The following RPTOR variants were observed in gnomAD, a reference collection of about 807,000 sequenced individuals.
RPTOR encodes regulatory-associated protein of mTOR.
Under a neutral mutation model 169.9 loss-of-function variants are expected in RPTOR, and 21 were observed. The ratio of observed to expected loss-of-function variants is 0.12; its 90% CI spans 0.09 to 0.18. The LOEUF is 0.18. Among genes scored for constraint, RPTOR ranks in the 10% least tolerant of loss-of-function variants. The pLI is 1.00. For missense variants in RPTOR, 1,133 were observed against 1,855.9 expected, an observed-to-expected ratio of 0.61 and a Z score of 7.16; for synonymous variants, 732 against 753.2, an observed-to-expected ratio of 0.97 and a Z score of 0.46.
intron 20 of RPTOR, among the ~76,000 whole-genome samples, chr17:80,906,573 C>T (rs568354411): frequency 1.3e-5 from 2 of 152,342 alleles, no homozygotes; most frequent in East Asian, 3.9e-4. Flanking sequence ...GCCGGCCAGG[C>T]ACACATGTGT....
At chr17:80,799,409 A>G (rs1598311909) in intron 7 of RPTOR, among the ~76,000 whole-genome samples, 2 of 152,306 alleles carry the variant, frequency 1.3e-5, no homozygotes, top group South Asian at 2.1e-4. Flanking sequence ...CTGCGCATAC[A>G]CTAGCTGGGG....
At position 80,909,370 on chromosome 17, in the gene RPTOR, T is replaced by G. The variant is rs1054982988; in HGVS notation, c.2520+441T>G. Among the ~76,000 whole-genome samples the G allele has an allele frequency of 4.0e-5, 6 of 150,862 alleles. No individual in the cohort carries two copies. In the East Asian group the frequency reaches 1.2e-3, roughly 30 times the overall value. On this transcript the variant is annotated intron_variant, in intron 21 of 33. Coordinates refer to ENST00000306801, the MANE Select transcript of RPTOR (RefSeq NM_020761.3). ...TGCTGGGATTACAAGCGTGAGCCAC[T>G]GCACCTGTTTTTTGTTTTTGTAAGA...
intron 3 of RPTOR, among the ~76,000 whole-genome samples, chr17:80,690,632 C>G (rs1293003016): frequency 1.3e-5 from 2 of 151,722 alleles, no homozygotes; most frequent in East Asian, 3.9e-4. Context: ...CGGTGGTGGA[C>G]ACAGCCGGGC....
intron 3 of RPTOR, among the ~76,000 whole-genome samples, chr17:80,658,867 G>T (rs2065699482): frequency 6.6e-6 from 1 of 152,018 alleles, no homozygotes; most frequent in Admixed American, 6.6e-5. Context: ...CAGTTCTCTG[G>T]TGAAAATTTT....
At chr17:80,666,196 T>C (rs1418431360) in intron 3 of RPTOR, among the ~76,000 whole-genome samples, 1 of 150,276 alleles carries the variant, frequency 6.7e-6, no homozygotes, top group East Asian at 1.9e-4. Flanking sequence ...TTATGTTTAT[T>C]ATCTACTCTT....
intron 17 of RPTOR, among the ~76,000 whole-genome samples, chr17:80,886,159 C>T (rs770948458): frequency 7.9e-5 from 12 of 152,200 alleles, no homozygotes; most frequent in Non-Finnish European, 1.3e-4. Flanking sequence ...TATCATGAGA[C>T]GGGCCGTGGT....
Position 80,659,216 on chromosome 17 carries a change from C to A in RPTOR, c.348+15406C>A, listed in dbSNP as rs570209416. ...GAGGGAAGAGCTGCACTCATGCACACAGGGTGACCCTGGGTGAAATGTAGG... is the reference window on the plus strand; with the variant it reads ...GAGGGAAGAGCTGCACTCATGCACAAAGGGTGACCCTGGGTGAAATGTAGG... On this transcript the variant is annotated intron_variant, in intron 3 of 33. Transcript: ENST00000306801. This position sits in a 1 kb window ranked among gnomAD's most constrained non-coding sequence, Gnocchi z 4.3. 5.9e-5 allele frequency among the ~76,000 whole-genome samples: 9 copies of A among 152,328 alleles called. No homozygotes were observed. The highest frequency in any genetic ancestry group is 2.2e-4 in the African/African-American group (9 of 41,578).
intron 7 of RPTOR, among the ~76,000 whole-genome samples, chr17:80,819,462 T>G (rs1278223453): frequency 4.6e-5 from 7 of 152,224 alleles, no homozygotes; most frequent in Admixed American, 4.6e-4. Flanking sequence ...GCGTCGTGGT[T>G]GTTGCGTGGT....
intron 1 of RPTOR, among the ~76,000 whole-genome samples, chr17:80,567,993 G>C (rs1412763893): frequency 6.6e-6 from 1 of 151,474 alleles, no homozygotes; most frequent in Non-Finnish European, 1.5e-5. Flanking sequence ...TGCAACATCT[G>C]CCTCCCGGGT....
At position 80,646,311 on chromosome 17, in the gene RPTOR, C is replaced by T. The variant is rs969429357; in HGVS notation, c.348+2501C>T. Reference sequence around the variant, plus strand: ...TATTTTAGAAATTAGCCTAAGGTAACGGATGTCACAGGATACCTCTGACCG... The same window carrying T: ...TATTTTAGAAATTAGCCTAAGGTAATGGATGTCACAGGATACCTCTGACCG... On this transcript the variant is annotated intron_variant, in intron 3 of 33. Coordinates refer to ENST00000306801, the MANE Select transcript of RPTOR (RefSeq NM_020761.3). This position sits in a 1 kb window ranked among gnomAD's most constrained non-coding sequence, Gnocchi z 5.0. Among the ~76,000 whole-genome samples, 6 of 152,222 alleles carry T rather than the reference C, an allele frequency of 3.9e-5. No individual in the cohort carries two copies. Among genetic ancestry groups the T allele is most frequent in the African/African-American group, 9.7e-5 (4 of 41,450 alleles).
chr17:80,930,316 CTCAGCTCAG>C (rs2068869236), intron 24 of RPTOR, among the ~76,000 whole-genome samples: 3 of 67,512 alleles, frequency 4.4e-5, no homozygotes, highest in Admixed American at 1.7e-4. Flanking sequence ...TCATCCCCAG[CTCAGCTCAG>C]CTCATCCTCA....
At chr17:80,612,982 G>A (rs1273503225) in intron 1 of RPTOR, among the ~76,000 whole-genome samples, 1 of 152,190 alleles carries the variant, frequency 6.6e-6, no homozygotes, top group African/African-American at 2.4e-5. Flanking sequence ...AGAACCTAAA[G>A]CATCTCAAAG....
intron 1 of RPTOR, among the ~76,000 whole-genome samples, chr17:80,621,704 CAG>C (rs1326862194): frequency 6.6e-6 from 1 of 152,244 alleles, no homozygotes; most frequent in Non-Finnish European, 1.5e-5. Flanking sequence ...CTGCACGGCT[CAG>C]GGAATAAGCA....
chr17:80,931,497 G>T (rs2068896855), intron 24 of RPTOR, among the ~76,000 whole-genome samples: 1 of 152,244 alleles, frequency 6.6e-6, no homozygotes. Flanking sequence ...TCACCCAGAA[G>T]ATTGAGGTGG....
chr17:80,931,771 C>G (rs1394311421), intron 24 of RPTOR, among the ~76,000 whole-genome samples: 1 of 152,208 alleles, frequency 6.6e-6, no homozygotes, highest in Non-Finnish European at 1.5e-5. Context: ...GACACAGGCC[C>G]TGCCTCAGTC....
intron 1 of RPTOR, among the ~76,000 whole-genome samples, chr17:80,561,151 A>G (rs905169370): frequency 6.9e-6 from 1 of 144,830 alleles, no homozygotes; most frequent in East Asian, 2.1e-4. Flanking sequence ...GCTCACTGCA[A>G]TCTCCGCCTC....
chr17:80,685,107 C>T (rs193091638), intron 3 of RPTOR, among the ~76,000 whole-genome samples: 7 of 152,206 alleles, frequency 4.6e-5, no homozygotes, highest in Admixed American at 3.9e-4. Flanking sequence ...TACCCTTTTC[C>T]ATTCCCCTCG....
At position 80,857,909 on chromosome 17, in the gene RPTOR, C is replaced by T; in HGVS notation, c.1509+9C>T. The T allele has an allele frequency of 3.1e-6, 5 of 1,600,130 alleles. No homozygotes were observed. The South Asian group carries it at 4.4e-5, about 14-fold the overall frequency. ...TCCTCGCAGTGGACAGCGTGAGTAT[C>T]CCCGCCCTCCTCCCCAGAGTGATGT... On this transcript the variant is annotated intron_variant, in intron 13 of 33. Coordinates refer to ENST00000306801, the MANE Select transcript of RPTOR (RefSeq NM_020761.3).
intron 14 of RPTOR, among the ~76,000 whole-genome samples, chr17:80,883,127 G>A (rs1324622387): frequency 1.3e-5 from 2 of 152,204 alleles, no homozygotes; most frequent in Non-Finnish European, 2.9e-5. Context: ...CGACAGCCAC[G>A]GCTGGCCTGT....
Sources: allele counts gnomAD v4.1 joint callset (sites outside exome capture counted in the v4.1 genomes callset), GRCh38; gene constraint gnomAD v4.1.1; non-coding constraint Gnocchi (gnomAD v3.1); transcripts MANE v1.5; gene names NCBI Gene and HGNC (gene_info 2026-07-23, HGNC 2026-07-21).